Variants in KIRREL3 observed in about 807,000 individuals in gnomAD.
KIRREL3 encodes kirre like nephrin family adhesion molecule 3, also known as kin of IRRE-like protein 3.
A neutral mutation model predicts 89.7 loss-of-function variants in KIRREL3; 36 were observed. The ratio of observed to expected loss-of-function variants is 0.40; its 90% CI spans 0.31 to 0.53. KIRREL3 has a LOEUF of 0.53. Ranked by LOEUF, KIRREL3 falls within the 20% of genes least tolerant of loss-of-function variation. The pLI is 0.49. For synonymous variants in KIRREL3, 445 were observed against 441.4 expected (o/e 1.01, Z -0.10); for missense variants, 864 against 1,056.6 (o/e 0.82, Z 2.53).
In KIRREL3 at chr11:126,946,352, T is replaced by C. The variant is rs1948619442; in HGVS notation, c.55+54103A>G. 6.6e-6 allele frequency among the ~76,000 whole-genome samples: 1 copy of C among 152,068 alleles called. No homozygotes were observed. The highest frequency in any genetic ancestry group is 1.9e-4 in the East Asian group (1 of 5,192). ...CTACAACATGCCACCATACTGGGAG[T>C]TGCAAGACCTGGTTTGGTCCTCATG... On this transcript the variant is annotated intron_variant, in intron 1 of 16. Transcript: ENST00000525144. This position sits in a 1 kb window ranked among gnomAD's most constrained non-coding sequence, Gnocchi z 4.1.
Position 126,776,901 on chromosome 11 carries a change from C to T in KIRREL3, c.56-213989G>A, listed in dbSNP as rs1402354562. 6.6e-6 allele frequency among the ~76,000 whole-genome samples: 1 copy of T among 152,210 alleles called. No individual in the cohort carries two copies. The highest frequency in any genetic ancestry group is 2.4e-5 in the African/African-American group (1 of 41,454). ...AAATGGAGTGCAGGAGACCGGTGCC[C>T]ATGGGAAGCCTCCAAAAGTCTTGAA... On this transcript the variant is annotated intron_variant, in intron 1 of 16. Transcript: ENST00000525144. The surrounding 1 kb of genome is among the most constrained non-coding windows in gnomAD (Gnocchi z 4.7).
At position 126,776,100 on chromosome 11, in the gene KIRREL3, C is replaced by T. The variant is rs1202320770; in HGVS notation, c.56-213188G>A. On this transcript the variant is annotated intron_variant, in intron 1 of 16. Transcript: ENST00000525144. This position sits in a 1 kb window ranked among gnomAD's most constrained non-coding sequence, Gnocchi z 4.7. ...CCTGGCCTGGGGATTGTGGGGTGACCTTCGCTGCAGGGGATCCCTGAGTTT... is the reference window on the plus strand; with the variant it reads ...CCTGGCCTGGGGATTGTGGGGTGACTTTCGCTGCAGGGGATCCCTGAGTTT... Among the ~76,000 whole-genome samples, 1 of 152,176 alleles carries T rather than the reference C, an allele frequency of 6.6e-6. No individual in the cohort carries two copies. Among genetic ancestry groups the T allele is most frequent in the Non-Finnish European group, 1.5e-5 (1 of 68,032 alleles).
intron 1 of KIRREL3, among the ~76,000 whole-genome samples, chr11:126,757,861 A>T (rs1949554374): frequency 6.6e-6 from 1 of 152,198 alleles, no homozygotes; most frequent in Non-Finnish European, 1.5e-5. Context: ...CCATCTGTAC[A>T]TTGAGATACT....
At position 126,459,066 on chromosome 11, in the gene KIRREL3, C is replaced by T. The variant is rs556383429; in HGVS notation, c.743-2612G>A. On this transcript the variant is annotated intron_variant, in intron 6 of 16. Coordinates refer to ENST00000525144, the MANE Select transcript of KIRREL3 (RefSeq NM_032531.4). The surrounding 1 kb of genome is among the most constrained non-coding windows in gnomAD (Gnocchi z 4.8). The stretch of plus-strand genomic sequence containing the variant: ...AGGTGGGGCAGAGGAGCTTGGGAAT[C>T]GCCACCGGATCCAAACGCATTGCTG... Among the ~76,000 whole-genome samples, 2 of 151,960 alleles carry T rather than the reference C, an allele frequency of 1.3e-5. No individual in the cohort carries two copies. Among genetic ancestry groups the T allele is most frequent in the South Asian group, 2.1e-4 (1 of 4,810 alleles).
intron 4 of KIRREL3, among the ~76,000 whole-genome samples, chr11:126,487,681 C>T (rs547643211): frequency 4.6e-5 from 7 of 152,312 alleles, no homozygotes; most frequent in African/African-American, 1.4e-4. Context: ...TGTTTTAATT[C>T]TCATCTACAG....
chr11:126,805,509 A>G lies in KIRREL3; in HGVS notation c.55+194946T>C, dbSNP rs745384459. On this transcript the variant is annotated intron_variant, in intron 1 of 16. Coordinates refer to ENST00000525144, the MANE Select transcript of KIRREL3 (RefSeq NM_032531.4). The surrounding 1 kb of genome is among the most constrained non-coding windows in gnomAD (Gnocchi z 4.3). ...AAGGTTCAGTCAGGTGCGCTGTCCC[A>G]TCACAGGAAAAGAAACCTTGAGCTG... is the stretch of plus-strand genomic sequence containing the variant. Among the ~76,000 whole-genome samples, 3 of 152,226 alleles carry G rather than the reference A, an allele frequency of 2.0e-5. No homozygotes were observed. Among genetic ancestry groups the G allele is most frequent in the Non-Finnish European group, 4.4e-5 (3 of 68,032 alleles).
At position 126,553,179 on chromosome 11, in the gene KIRREL3, T is replaced by C. The variant is rs989306828; in HGVS notation, c.133+9656A>G. On this transcript the variant is annotated intron_variant, in intron 2 of 16. Coordinates refer to ENST00000525144, the MANE Select transcript of KIRREL3 (RefSeq NM_032531.4). The surrounding 1 kb of genome is among the most constrained non-coding windows in gnomAD (Gnocchi z 4.7). ...ACTCTAAGGAGATCTCTCTGACCAT[T>C]GCTGGACATTATGGGCTTACAGTGT... Among the ~76,000 whole-genome samples, 1 of 152,234 alleles carries C rather than the reference T, an allele frequency of 6.6e-6. No individual in the cohort carries two copies. The highest frequency in any genetic ancestry group is 2.4e-5 in the African/African-American group (1 of 41,472).
At chr11:126,770,050 G>A (rs947604340) in intron 1 of KIRREL3, among the ~76,000 whole-genome samples, 1 of 152,030 alleles carries the variant, frequency 6.6e-6, no homozygotes, top group Non-Finnish European at 1.5e-5. Flanking sequence ...GGTGTGTGAA[G>A]CCTCTTTTCT....
intron 1 of KIRREL3, among the ~76,000 whole-genome samples, chr11:126,722,041 A>G (rs1217512596): frequency 6.6e-6 from 1 of 152,170 alleles, no homozygotes; most frequent in Non-Finnish European, 1.5e-5. Context: ...AAGGCTCCCA[A>G]TGATATGTCA....
intron 4 of KIRREL3, among the ~76,000 whole-genome samples, chr11:126,499,042 A>G (rs1208962982): frequency 6.6e-6 from 1 of 151,352 alleles, no homozygotes; most frequent in African/African-American, 2.4e-5. Context: ...AATCCCAGCT[A>G]CTCGGAGGCA....
At chr11:126,596,123 G>A (rs1942382332) in intron 1 of KIRREL3, among the ~76,000 whole-genome samples, 1 of 152,192 alleles carries the variant, frequency 6.6e-6, no homozygotes, top group African/African-American at 2.4e-5. Flanking sequence ...CTGGCTGGTG[G>A]CTGAGCTGCC....
At chr11:126,932,862 T>G (rs1948011489) in intron 1 of KIRREL3, among the ~76,000 whole-genome samples, 1 of 152,248 alleles carries the variant, frequency 6.6e-6, no homozygotes, top group Non-Finnish European at 1.5e-5. Flanking sequence ...TAATAATTTA[T>G]TAATAATCAA....
Position 126,991,044 on chromosome 11 carries a change from G to T in KIRREL3, c.55+9411C>A, listed in dbSNP as rs566065591. Among the ~76,000 whole-genome samples, 1 of 152,320 alleles carries T rather than the reference G, an allele frequency of 6.6e-6. No individual in the cohort carries two copies. Among genetic ancestry groups the T allele is most frequent in the African/African-American group, 2.4e-5 (1 of 41,586 alleles). On this transcript the variant is annotated intron_variant, in intron 1 of 16. Coordinates refer to ENST00000525144, the MANE Select transcript of KIRREL3 (RefSeq NM_032531.4). The surrounding 1 kb of genome is among the most constrained non-coding windows in gnomAD (Gnocchi z 5.8). ...CAGAGCCGAGTCACCTGTGACATTT[G>T]CAGGTGACTGACAGAAATGGGCACT... is the stretch of plus-strand genomic sequence containing the variant.
chr11:126,458,882 C>T (rs936016562), intron 6 of KIRREL3, among the ~76,000 whole-genome samples: 2 of 152,206 alleles, frequency 1.3e-5, no homozygotes, highest in African/African-American at 2.4e-5. Context: ...GACCTCTCCT[C>T]GAAGCTGCAC....
In KIRREL3 at chr11:126,761,374, G is replaced by A. The variant is rs1949662329; in HGVS notation, c.56-198462C>T. ...TTTCCTACTCGCTGGGGCCTGTGAG[G>A]CACAGCAACTTGCCTGCTTGTCCCC... On this transcript the variant is annotated intron_variant, in intron 1 of 16. Transcript: ENST00000525144. The surrounding 1 kb of genome is among the most constrained non-coding windows in gnomAD (Gnocchi z 4.4). 6.6e-6 allele frequency among the ~76,000 whole-genome samples: 1 copy of A among 152,044 alleles called. No individual in the cohort carries two copies. The highest frequency in any genetic ancestry group is 2.4e-5 in the African/African-American group (1 of 41,408).
rs955172556 is a variant in KIRREL3, at chr11:126,454,804, T to C, written c.848+1545A>G. ...GGAGTCCCCGGCTCAGAAGGGACCCTGGAGGTCATCTGTTCTTTCTTCTGA... is the reference window on the plus strand; with the variant it reads ...GGAGTCCCCGGCTCAGAAGGGACCCCGGAGGTCATCTGTTCTTTCTTCTGA... On this transcript the variant is annotated intron_variant, in intron 7 of 16. Coordinates refer to ENST00000525144, the MANE Select transcript of KIRREL3 (RefSeq NM_032531.4). The surrounding 1 kb of genome is among the most constrained non-coding windows in gnomAD (Gnocchi z 5.8). Among the ~76,000 whole-genome samples the C allele has an allele frequency of 3.3e-5, 5 of 152,160 alleles. No individual in the cohort carries two copies. Among genetic ancestry groups the C allele is most frequent in the Non-Finnish European group, 4.4e-5 (3 of 68,020 alleles).
In KIRREL3 at chr11:126,531,036, G is replaced by A. The variant is rs1420961055; in HGVS notation, c.134-4349C>T. On this transcript the variant is annotated intron_variant, in intron 2 of 16. Coordinates refer to ENST00000525144, the MANE Select transcript of KIRREL3 (RefSeq NM_032531.4). This position sits in a 1 kb window ranked among gnomAD's most constrained non-coding sequence, Gnocchi z 4.7. ...GTAGAGACAGGGTTTCACCATATTG[G>A]CCAGGCTGGTCTCGAACTCCTGACC... 6.6e-6 allele frequency among the ~76,000 whole-genome samples: 1 copy of A among 151,942 alleles called. No homozygotes were observed. The highest frequency in any genetic ancestry group is 1.5e-5 in the Non-Finnish European group (1 of 67,988).
rs1946191526 is a variant in KIRREL3, at chr11:126,676,426, G to C, written c.56-113514C>G. Among the ~76,000 whole-genome samples, 1 of 152,080 alleles carries C rather than the reference G, an allele frequency of 6.6e-6. No homozygotes were observed. ...CCCTGGGGCCTCTCTAGTCCCCCAG[G>C]GCCACTGGGCTGGCTCTGCAGTTGG... On this transcript the variant is annotated intron_variant, in intron 1 of 16. Coordinates refer to ENST00000525144, the MANE Select transcript of KIRREL3 (RefSeq NM_032531.4). The surrounding 1 kb of genome is among the most constrained non-coding windows in gnomAD (Gnocchi z 4.5).
At position 126,566,430 on chromosome 11, in the gene KIRREL3, T is replaced by A. The variant is rs755181801; in HGVS notation, c.56-3518A>T. Among the ~76,000 whole-genome samples the A allele has an allele frequency of 6.6e-6, 1 of 152,176 alleles. No homozygotes were observed. Among genetic ancestry groups the A allele is most frequent in the Non-Finnish European group, 1.5e-5 (1 of 68,026 alleles). ...AGGACCAAGCACAGTGCCTGACACA[T>A]GGTAAGTGCTCAGGAACAGTCTGCT... On this transcript the variant is annotated intron_variant, in intron 1 of 16. Transcript: ENST00000525144. This position sits in a 1 kb window ranked among gnomAD's most constrained non-coding sequence, Gnocchi z 4.9.
Sources: allele counts gnomAD v4.1 joint callset (sites outside exome capture counted in the v4.1 genomes callset), GRCh38; gene constraint gnomAD v4.1.1; non-coding constraint Gnocchi (gnomAD v3.1); transcripts MANE v1.5; gene names NCBI Gene and HGNC (gene_info 2026-07-23, HGNC 2026-07-21).